SLC9A9: variants seen among roughly 807,000 people sequenced by gnomAD.
The protein encoded by SLC9A9 is solute carrier family 9 member A9, also known as sodium/hydrogen exchanger 9.
SLC9A9 carries 62 observed loss-of-function variants against 77.8 expected under a neutral mutation model. The observed-to-expected ratio is 0.80, with a 90% CI of 0.65 to 0.98. SLC9A9 has a LOEUF of 0.98. Ranked by LOEUF, SLC9A9 falls within the 50% of genes least tolerant of loss-of-function variation. The pLI is 0.00. For missense variants in SLC9A9, 775 were observed against 774.9 expected, an observed-to-expected ratio of 1.00 and a Z score of 0.00; for synonymous variants, 320 against 283.5, an observed-to-expected ratio of 1.13 and a Z score of -1.29.
intron 1 of SLC9A9, among the ~76,000 whole-genome samples, chr3:143,832,842 C>T (rs554113036): frequency 1.9e-4 from 29 of 151,836 alleles, no homozygotes; most frequent in South Asian, 1.7e-3. Flanking sequence ...TGAAGGACAT[C>T]ACAGAGCCAC....
chr3:143,710,913 A>G lies in SLC9A9; in HGVS notation c.534-17606T>C, dbSNP rs543733862. ...AGAATGTAAATAACAAGAAAATGCAACTCTCTGGATTTTCCCCAATCAGAT... is the reference window on the plus strand; with the variant it reads ...AGAATGTAAATAACAAGAAAATGCAGCTCTCTGGATTTTCCCCAATCAGAT... On this transcript the variant is annotated intron_variant, in intron 4 of 15. Transcript: ENST00000316549. Among the ~76,000 whole-genome samples, 3 of 152,264 alleles carry G rather than the reference A, an allele frequency of 2.0e-5. No individual in the cohort carries two copies. In the East Asian group the frequency reaches 5.8e-4, roughly 29 times the overall value.
rs550945468 is a variant in SLC9A9 at position 143,346,660 on chromosome 3, G to A, written c.1604+16824C>T. Among the ~76,000 whole-genome samples the A allele has an allele frequency of 3.3e-5, 5 of 152,162 alleles. No homozygotes were observed. The South Asian group carries it at 1.0e-3, about 32-fold the overall frequency. On this transcript the variant is annotated intron_variant, in intron 14 of 15. Coordinates refer to ENST00000316549, the MANE Select transcript of SLC9A9 (RefSeq NM_173653.4). ...AAAAATTAGCTAGCTGGGCGTGGTG[G>A]TGGGCACCTGTAATCCCAGCTACTC... is the stretch of plus-strand genomic sequence containing the variant.
intron 2 of SLC9A9, among the ~76,000 whole-genome samples, chr3:143,815,579 A>T (rs965114201): frequency 2.0e-5 from 3 of 152,028 alleles, no homozygotes; most frequent in African/African-American, 7.2e-5. Flanking sequence ...CCCTGACCTA[A>T]TATCCGCCGG....
chr3:143,355,837 TG>T lies in SLC9A9; in HGVS notation c.1604+7646del, dbSNP rs558164633. The stretch of plus-strand genomic sequence containing the variant: ...TGCACTGAGAAAATAATAAATGTAT[TG>T]AATTTGATTTAAAGGAATTTATTTT... On this transcript the variant is annotated intron_variant, in intron 14 of 15. Transcript: ENST00000316549. 3.9e-5 allele frequency among the ~76,000 whole-genome samples: 6 copies of T among 152,306 alleles called. No homozygotes were observed. The South Asian group carries it at 1.2e-3, about 32-fold the overall frequency.
At chr3:143,593,010 A>T (rs1444013017) in intron 6 of SLC9A9, among the ~76,000 whole-genome samples, 4 of 151,914 alleles carry the variant, frequency 2.6e-5, no homozygotes, top group Admixed American at 6.6e-5. Flanking sequence ...AATAGTAATT[A>T]AAAAAAAACT....
At chr3:143,821,436 G>A (rs1468866473) in intron 2 of SLC9A9, among the ~76,000 whole-genome samples, 1 of 152,126 alleles carries the variant, frequency 6.6e-6, no homozygotes, top group East Asian at 1.9e-4. Context: ...TCTAATCATA[G>A]AACTTTATGC....
intron 4 of SLC9A9, among the ~76,000 whole-genome samples, chr3:143,772,847 A>T (rs1481672246): frequency 2.0e-5 from 3 of 152,332 alleles, no homozygotes; most frequent in African/African-American, 7.2e-5. Context: ...CCATCTGCAG[A>T]TTTCAGAGAA....
chr3:143,313,940 G>GGCTGCCCATGCCCCCCATA (rs2031112505), intron 14 of SLC9A9, among the ~76,000 whole-genome samples: 1 of 152,182 alleles, frequency 6.6e-6, no homozygotes, highest in African/African-American at 2.4e-5. Flanking sequence ...GTGCAGGCAT[G>GGCTGCCCATGCCCCCCATA]GCTGCCCATG....
intron 4 of SLC9A9, among the ~76,000 whole-genome samples, chr3:143,780,697 T>A (rs1238624881): frequency 6.6e-6 from 1 of 152,106 alleles, no homozygotes; most frequent in African/African-American, 2.4e-5. Context: ...GGCTGTCTAG[T>A]GTCTGCCTTC....
At chr3:143,450,426 A>G (rs1466444710) in intron 12 of SLC9A9, among the ~76,000 whole-genome samples, 1 of 151,680 alleles carries the variant, frequency 6.6e-6, no homozygotes, top group African/African-American at 2.4e-5. Context: ...AATTTTACAG[A>G]GCCAATAAAA....
chr3:143,344,986 C>T (rs2032217902), intron 14 of SLC9A9, among the ~76,000 whole-genome samples: 1 of 151,986 alleles, frequency 6.6e-6, no homozygotes, highest in Non-Finnish European at 1.5e-5. Context: ...AGATGATTTC[C>T]ATAATAACTG....
At chr3:143,504,748 A>G (rs1349554064) in intron 9 of SLC9A9, among the ~76,000 whole-genome samples, 1 of 152,204 alleles carries the variant, frequency 6.6e-6, no homozygotes, top group African/African-American at 2.4e-5. Flanking sequence ...TTTATGTTAT[A>G]AAGTCAACAA....
intron 6 of SLC9A9, among the ~76,000 whole-genome samples, chr3:143,632,434 TA>T (rs1313341339): frequency 2.0e-5 from 3 of 152,110 alleles, no homozygotes; most frequent in Non-Finnish European, 4.4e-5. Context: ...TGGTTTAAAA[TA>T]AAAATTGAAC....
At chr3:143,765,794 T>C (rs2007295027) in intron 4 of SLC9A9, among the ~76,000 whole-genome samples, 2 of 152,198 alleles carry the variant, frequency 1.3e-5, no homozygotes, top group Admixed American at 6.6e-5. Flanking sequence ...CCATGTACCT[T>C]TGCAGTGTCC....
intron 1 of SLC9A9, among the ~76,000 whole-genome samples, chr3:143,844,032 A>T (rs1011769166): frequency 1.8e-4 from 28 of 152,148 alleles, no homozygotes; most frequent in African/African-American, 6.3e-4. Context: ...ACTAATTTTT[A>T]TAAGCTTCCT....
At chr3:143,839,198 T>C (rs192032129) in intron 1 of SLC9A9, among the ~76,000 whole-genome samples, 1 of 152,308 alleles carries the variant, frequency 6.6e-6, no homozygotes, top group Non-Finnish European at 1.5e-5. Context: ...CTATAGGTCT[T>C]GCTAAAAAGT....
intron 9 of SLC9A9, among the ~76,000 whole-genome samples, chr3:143,544,771 G>C (rs2036756391): frequency 6.6e-6 from 1 of 152,078 alleles, no homozygotes; most frequent in Admixed American, 6.5e-5. Flanking sequence ...ATATTTTCTA[G>C]GTTTTCTTTT....
chr3:143,432,585 G>A (rs1268401652), intron 12 of SLC9A9, among the ~76,000 whole-genome samples: 6 of 152,154 alleles, frequency 3.9e-5, no homozygotes, highest in African/African-American at 1.4e-4. Flanking sequence ...ATCAGTATTT[G>A]AAGGGCTCTC....
Position 143,726,279 on chromosome 3 carries a change from G to C in SLC9A9, c.534-32972C>G, listed in dbSNP as rs142825686. On this transcript the variant is annotated intron_variant, in intron 4 of 15. Transcript: ENST00000316549. ...AAAAAAAAAAAAGAAACACAGTTCA[G>C]ATCAATGGCTGCTGATGGCCAGGGG... Among the ~76,000 whole-genome samples the C allele has an allele frequency of 3.6e-4, 53 of 148,336 alleles. 2 individuals carry two copies. In the East Asian group the frequency reaches 0.011, roughly 29 times the overall value.
Sources: gnomAD v4.1 joint callset for allele counts (sites outside exome capture counted in the v4.1 genomes callset) on GRCh38, gnomAD v4.1.1 for gene constraint, MANE v1.5 for transcripts, NCBI Gene and HGNC (gene_info 2026-07-23, HGNC 2026-07-21) for gene names.